The following DLAT variants were observed in gnomAD, a reference collection of about 807,000 sequenced individuals.
The protein encoded by DLAT is dihydrolipoamide S-acetyltransferase, also known as dihydrolipoyllysine-residue acetyltransferase component of pyruvate dehydrogenase complex, mitochondrial.
DLAT carries 43 observed loss-of-function variants against 68.0 expected under a neutral mutation model. The ratio of observed to expected loss-of-function variants is 0.63; its 90% CI spans 0.50 to 0.81. The LOEUF (loss-of-function observed/expected upper bound fraction) is 0.81, where lower values mean the gene tolerates loss of function less well. Ranked by LOEUF, DLAT falls within the 40% of genes least tolerant of loss-of-function variation. The pLI is 0.00. For missense variants in DLAT, 745 were observed against 815.4 expected (o/e 0.91, Z 1.05); for synonymous variants, 265 against 288.6 (o/e 0.92, Z 0.83).
In DLAT at chr11:112,039,265, C is replaced by T. The variant is rs587736661; in HGVS notation, c.997C>T (p.Pro333Ser). Residue 333 changes from proline (P) to serine (S), a missense_variant, in exon 7 of 14, where the codon CCC (proline) becomes TCC (serine). Coordinates refer to ENST00000280346, the MANE Select transcript of DLAT (RefSeq NM_001931.5). ...AAAGGTGGCCGCTGTTCCTCCAACT[C>T]CCCAGCCTTTAGCTCCTACACCTTC... ...PPPVAAVPPT[P>S]QPLAPTPSAP... is the part of the protein sequence containing the mutation. 3 of 1,614,010 alleles carry T rather than the reference C, an allele frequency of 1.9e-6. No homozygotes were observed. The highest frequency in any genetic ancestry group is 2.2e-5 in the East Asian group (1 of 44,872).
intron 4 of DLAT, chr11:112,029,926 G>C (rs1439305844): frequency 1.4e-6 from 1 of 735,858 alleles, no homozygotes; most frequent in Middle Eastern, 2.7e-4. Context: ...ATCACTAGAA[G>C]TCCATCAGTG....
chr11:112,045,069 C>A, intron 8 of DLAT, 69 bp from the exon 9 acceptor site: 2 of 1,168,076 alleles, frequency 1.7e-6, no homozygotes, highest in Non-Finnish European at 1.3e-6. Context: ...TAGTCACTGG[C>A]AGTCTTTCCC....
At chr11:112,035,506 GGAA>G (rs1862662120) in intron 5 of DLAT, among the ~76,000 whole-genome samples, 1 of 149,132 alleles carries the variant, frequency 6.7e-6, no homozygotes, top group African/African-American at 2.5e-5. Context: ...TTTTTTTTTT[GGAA>G]ACAGAGTCTG....
chr11:112,057,230 T>C (rs1270665619), intron 11 of DLAT, among the ~76,000 whole-genome samples: 1 of 152,202 alleles, frequency 6.6e-6, no homozygotes, highest in African/African-American at 2.4e-5. Flanking sequence ...CTCCCTCTCC[T>C]TGGGCCTCCC....
chr11:112,034,460 TGAGAC>T lies in DLAT; in HGVS notation c.787+932_787+936del, dbSNP rs371673979. On this transcript the variant is annotated intron_variant, in intron 5 of 13. Transcript: ENST00000280346. ...TTATTATTATTATTTTTTTTTTTTT[TGAGAC>T]GGAGTCTCGCTGTGTTGCCCAGGCT... Among the ~76,000 whole-genome samples the T allele has an allele frequency of 9.5e-3, 1,441 of 151,430 alleles. 29 individuals are homozygous for T. The highest frequency in any genetic ancestry group is 0.033 in the African/African-American group (1,381 of 41,398).
At chr11:112,026,638 G>A (rs1862032502) in intron 2 of DLAT, among the ~76,000 whole-genome samples, 1 of 152,154 alleles carries the variant, frequency 6.6e-6, no homozygotes, top group African/African-American at 2.4e-5. Context: ...CACAGGGTTG[G>A]GGGTAAGGTC....
In DLAT at chr11:112,037,259, T is replaced by A. The variant is rs781990292; in HGVS notation, c.788-14T>A. On this transcript the variant is annotated splice_polypyrimidine_tract_variant and intron_variant, in intron 5 of 13. Coordinates refer to ENST00000280346, the MANE Select transcript of DLAT (RefSeq NM_001931.5). ...ATCTCTTAAGTCCCATAATGTTTTT[T>A]CTTTCTATTTAAGGTTTTGAAGTAC... 6.2e-7 allele frequency: 1 copy of A among 1,613,030 alleles called. No individual in the cohort carries two copies. Among genetic ancestry groups the A allele is most frequent in the South Asian group, 1.1e-5 (1 of 91,042 alleles).
intron 11 of DLAT, among the ~76,000 whole-genome samples, chr11:112,057,047 G>A (rs599982): frequency 0.79 from 120,648 of 152,160 alleles, 48,674 homozygotes; most frequent in African/African-American, 0.95. Flanking sequence ...CTTTATTATT[G>A]TATCTGTTAT....
chr11:112,058,619 G>GT (rs1326335284), intron 11 of DLAT, among the ~76,000 whole-genome samples: 1 of 130,266 alleles, frequency 7.7e-6, no homozygotes, highest in African/African-American at 2.8e-5. Flanking sequence ...TGGGGGAAGG[G>GT]GGGGGTGGGG....
intron 11 of DLAT, among the ~76,000 whole-genome samples, chr11:112,059,330 C>T (rs1029741507): frequency 1.3e-5 from 2 of 151,434 alleles, no homozygotes; most frequent in Non-Finnish European, 2.9e-5. Context: ...AACCAACCTA[C>T]TGCTGCTGAC....
At chr11:112,033,362 G>T in intron 4 of DLAT, 42 bp from the exon 5 acceptor site, 3 of 1,606,984 alleles carry the variant, frequency 1.9e-6, no homozygotes, top group Non-Finnish European at 1.7e-6. Flanking sequence ...TTATGTAGAA[G>T]TCTTCCTGGT....
chr11:112,059,859 TTAA>T, intron 11 of DLAT, 41 bp from the exon 12 acceptor site: 1 of 1,483,458 alleles, frequency 6.7e-7, no homozygotes, highest in Admixed American at 2.0e-5. Context: ...ACACAGGCTC[TTAA>T]TAAACAGTTT....
chr11:112,059,232 AAGG>A (rs1455346731), intron 11 of DLAT, among the ~76,000 whole-genome samples: 1 of 152,072 alleles, frequency 6.6e-6, no homozygotes, highest in Admixed American at 6.6e-5. Context: ...CTCAAAATCC[AAGG>A]AGTTCTGATT....
chr11:112,042,227 G>A (rs587632388), intron 7 of DLAT, among the ~76,000 whole-genome samples: 1 of 152,276 alleles, frequency 6.6e-6, no homozygotes, highest in South Asian at 2.1e-4. Context: ...CCGCCCAAGA[G>A]AGATAGGGAA....
chr11:112,033,049 G>A (rs1276286240), intron 4 of DLAT, among the ~76,000 whole-genome samples: 1 of 152,144 alleles, frequency 6.6e-6, no homozygotes. Flanking sequence ...GGGGGACAGA[G>A]CAAGACTCTG....
chr11:112,059,275 T>C (rs1864362694), intron 11 of DLAT, among the ~76,000 whole-genome samples: 1 of 151,896 alleles, frequency 6.6e-6, no homozygotes, highest in African/African-American at 2.4e-5. Flanking sequence ...TGCATTCACG[T>C]GTCGGTCAAG....
intron 11 of DLAT, among the ~76,000 whole-genome samples, chr11:112,053,612 C>A (rs1177680100): frequency 4.6e-5 from 7 of 152,014 alleles, no homozygotes; most frequent in African/African-American, 1.7e-4. Flanking sequence ...GCCACCACTC[C>A]CAGGTAATTT....
At position 112,064,240 on chromosome 11, in the gene DLAT, C is replaced by T; in HGVS notation, c.*1705C>T. ...TTGTTCCCTTGAAAAAAAATAAAAA[C>T]AGTTGCCTTCTAATAAACATTGTTG... is the stretch of plus-strand genomic sequence containing the variant. On this transcript the variant is annotated 3_prime_UTR_variant, in exon 14 of 14. Coordinates refer to ENST00000280346, the MANE Select transcript of DLAT (RefSeq NM_001931.5). 6.5e-7 allele frequency: 1 copy of T among 1,543,294 alleles called. No individual in the cohort carries two copies. The highest frequency in any genetic ancestry group is 1.2e-5 in the South Asian group (1 of 82,074).
At position 112,040,995 on chromosome 11, in the gene DLAT, C is replaced by T. The variant is rs587741574; in HGVS notation, c.1129+1598C>T. The stretch of plus-strand genomic sequence containing the variant: ...GGCAGAGTTAGGTGATAAATATCAT[C>T]GACTGCTATCTACACATCAGACACT... On this transcript the variant is annotated intron_variant, in intron 7 of 13. Transcript: ENST00000280346. 3.0e-4 allele frequency among the ~76,000 whole-genome samples: 45 copies of T among 151,560 alleles called. No individual in the cohort carries two copies. The South Asian group carries it at 5.0e-3, about 17-fold the overall frequency.
Sources: gnomAD v4.1 joint callset for allele counts (sites outside exome capture counted in the v4.1 genomes callset) on GRCh38, gnomAD v4.1.1 for gene constraint, MANE v1.5 for transcripts, NCBI Gene and HGNC (gene_info 2026-07-23, HGNC 2026-07-21) for gene names.